IMMP2L: variants seen among roughly 807,000 people sequenced by gnomAD.
The protein encoded by IMMP2L is inner mitochondrial membrane peptidase subunit 2.
In IMMP2L, 18 loss-of-function variants were observed where a neutral mutation model predicts 19.3. The observed-to-expected ratio is 0.93, with a 90% CI of 0.64 to 1.38. IMMP2L has a LOEUF of 1.38. IMMP2L is among the 40% of genes most tolerant of loss of function. The pLI is 0.00. For missense variants in IMMP2L, 233 were observed against 218.2 expected, an observed-to-expected ratio of 1.07 and a Z score of -0.43; for synonymous variants, 76 against 73.0, an observed-to-expected ratio of 1.04 and a Z score of -0.21.
At chr7:110,816,226 C>T (rs1367853456) in intron 5 of IMMP2L, among the ~76,000 whole-genome samples, 2 of 152,132 alleles carry the variant, frequency 1.3e-5, no homozygotes, top group South Asian at 2.1e-4. Flanking sequence ...ATTATGTACC[C>T]AGTAGTCATT....
chr7:110,894,657 G>A (rs1254228475), intron 4 of IMMP2L, among the ~76,000 whole-genome samples: 1 of 151,880 alleles, frequency 6.6e-6, no homozygotes, highest in Admixed American at 6.6e-5. Context: ...TAATCTCTGT[G>A]CTTTTAAATT....
chr7:110,772,726 C>T lies in IMMP2L; in HGVS notation c.409-109005G>A, dbSNP rs188504795. The stretch of plus-strand genomic sequence containing the variant: ...CCCCTTGACTGCAATGAGATAGGAC[C>T]AAGTTGGTCTTGACTCCCCCACTCA... On this transcript the variant is annotated intron_variant, in intron 5 of 5. Coordinates refer to ENST00000405709, the MANE Select transcript of IMMP2L (RefSeq NM_032549.4). Among the ~76,000 whole-genome samples the T allele has an allele frequency of 2.0e-5, 3 of 152,222 alleles. No homozygotes were observed. The East Asian group carries it at 5.9e-4, about 30-fold the overall frequency.
chr7:110,809,584 G>C (rs111312193), intron 5 of IMMP2L, among the ~76,000 whole-genome samples: 2 of 151,664 alleles, frequency 1.3e-5, no homozygotes, highest in East Asian at 3.9e-4. Flanking sequence ...AATAACAAAC[G>C]GGCCAGACCA....
chr7:111,262,988 C>T (rs905146306), intron 3 of IMMP2L, among the ~76,000 whole-genome samples: 34 of 151,998 alleles, frequency 2.2e-4, no homozygotes, highest in African/African-American at 8.0e-4. Context: ...AGAGGAAGAG[C>T]CCAGTGTGGC....
chr7:111,254,712 T>C (rs898103922), intron 3 of IMMP2L, among the ~76,000 whole-genome samples: 2 of 152,100 alleles, frequency 1.3e-5, no homozygotes, highest in Non-Finnish European at 2.9e-5. Context: ...TATAACTAAA[T>C]CTGCACAACA....
intron 3 of IMMP2L, among the ~76,000 whole-genome samples, chr7:111,163,760 A>G (rs1414922672): frequency 6.6e-6 from 1 of 152,048 alleles, no homozygotes; most frequent in African/African-American, 2.4e-5. Context: ...GGACTCTCCA[A>G]GGGAAGGTTT....
At chr7:110,952,949 T>A (rs1176143755) in intron 4 of IMMP2L, among the ~76,000 whole-genome samples, 1 of 152,108 alleles carries the variant, frequency 6.6e-6, no homozygotes, top group African/African-American at 2.4e-5. Flanking sequence ...AGTCATGATA[T>A]CTTGGTGTAT....
chr7:111,543,412 A>G (rs1032619676), intron 1 of IMMP2L, among the ~76,000 whole-genome samples: 4 of 152,084 alleles, frequency 2.6e-5, no homozygotes, highest in Admixed American at 2.0e-4. Context: ...CAATTTCCCT[A>G]TATTAGTTTG....
chr7:110,770,651 CT>C (rs2131019111), intron 5 of IMMP2L, among the ~76,000 whole-genome samples: 1 of 152,204 alleles, frequency 6.6e-6, no homozygotes, highest in South Asian at 2.1e-4. Flanking sequence ...AGATCTGCAT[CT>C]TCACAGGAAG....
intron 5 of IMMP2L, among the ~76,000 whole-genome samples, chr7:110,858,484 C>T (rs1290314071): frequency 6.6e-6 from 1 of 152,074 alleles, no homozygotes; most frequent in Non-Finnish European, 1.5e-5. Context: ...AGTTTACTAT[C>T]AATCTGGACA....
At chr7:111,357,548 G>A (rs1828839599) in intron 3 of IMMP2L, among the ~76,000 whole-genome samples, 1 of 152,056 alleles carries the variant, frequency 6.6e-6, no homozygotes, top group African/African-American at 2.4e-5. Context: ...ATGCTGGTCT[G>A]TCCTTTTACA....
chr7:110,935,579 T>C (rs1248993426), intron 4 of IMMP2L, among the ~76,000 whole-genome samples: 2 of 152,126 alleles, frequency 1.3e-5, no homozygotes, highest in African/African-American at 4.8e-5. Flanking sequence ...CTGGATAATA[T>C]CCTGAAGAGT....
At chr7:110,969,529 C>G (rs1157993911) in intron 3 of IMMP2L, among the ~76,000 whole-genome samples, 2 of 151,914 alleles carry the variant, frequency 1.3e-5, no homozygotes, top group African/African-American at 4.8e-5. Flanking sequence ...AGCCTCATTA[C>G]TGGCAAAATG....
intron 3 of IMMP2L, among the ~76,000 whole-genome samples, chr7:111,281,216 A>AAGAAAGAAAG (rs1293249599): frequency 8.5e-4 from 33 of 38,714 alleles, no homozygotes; most frequent in African/African-American, 3.1e-3. Context: ...GAAAGAAAGA[A>AAGAAAGAAAG]AAAGAAAGAA....
intron 3 of IMMP2L, among the ~76,000 whole-genome samples, chr7:111,068,209 A>C (rs1166681260): frequency 6.6e-6 from 1 of 152,204 alleles, no homozygotes; most frequent in Non-Finnish European, 1.5e-5. Flanking sequence ...AGAGAAGGAA[A>C]GAGTGTGAGA....
intron 5 of IMMP2L, among the ~76,000 whole-genome samples, chr7:110,830,659 C>T (rs1563006741): frequency 6.6e-6 from 1 of 152,040 alleles, no homozygotes; most frequent in Non-Finnish European, 1.5e-5. Flanking sequence ...GTGCAAGAAG[C>T]CACTTGAGAG....
intron 5 of IMMP2L, among the ~76,000 whole-genome samples, chr7:110,798,357 G>C (rs1472791306): frequency 6.6e-6 from 1 of 151,846 alleles, no homozygotes; most frequent in Non-Finnish European, 1.5e-5. Context: ...CATCATGAAA[G>C]GCACAAAGAA....
intron 4 of IMMP2L, among the ~76,000 whole-genome samples, chr7:110,946,717 C>T (rs936299139): frequency 2.0e-5 from 2 of 97,926 alleles, no homozygotes; most frequent in African/African-American, 4.6e-5. Context: ...ACATTTAATA[C>T]CTTTTTTTTT....
rs536933956 is a variant in IMMP2L, at chr7:111,342,418, C to T, written c.239+144820G>A. On this transcript the variant is annotated intron_variant, in intron 3 of 5. Transcript: ENST00000405709. ...ACCATCCTGGTCAACATGGTGAAAC[C>T]CTGTCTCTACTAAAAATACAAAAAT... 1.7e-3 allele frequency among the ~76,000 whole-genome samples: 259 copies of T among 151,968 alleles called. 2 individuals are homozygous for T. The highest frequency in any genetic ancestry group is 3.4e-3 in the Middle Eastern group (1 of 292).
Sources: gnomAD v4.1 joint callset for allele counts (sites outside exome capture counted in the v4.1 genomes callset) on GRCh38, gnomAD v4.1.1 for gene constraint, MANE v1.5 for transcripts, NCBI Gene and HGNC (gene_info 2026-07-23, HGNC 2026-07-21) for gene names.